The following ICE1 variants were observed in gnomAD, a reference collection of about 807,000 sequenced individuals.
ICE1 encodes little elongation complex subunit 1.
ICE1 carries 64 observed loss-of-function variants against 192.7 expected under a neutral mutation model. The observed-to-expected ratio is 0.33, with a 90% CI of 0.27 to 0.41. The LOEUF is 0.41. Among genes scored for constraint, ICE1 ranks in the 10% least tolerant of loss-of-function variants. ICE1 has a pLI of 1.00. For missense variants in ICE1, 2,708 were observed against 2,696.0 expected (o/e 1.00, Z -0.10); for synonymous variants, 1,010 against 984.5 (o/e 1.03, Z -0.49).
chr5:5,440,559 C>T (rs1738013104), intron 4 of ICE1, among the ~76,000 whole-genome samples: 1 of 152,184 alleles, frequency 6.6e-6, no homozygotes, highest in African/African-American at 2.4e-5. Flanking sequence ...CGCAATGGCT[C>T]ATGCCCATAA....
At chr5:5,468,555 A>G (rs1422586299) in intron 14 of ICE1, among the ~76,000 whole-genome samples, 1 of 152,252 alleles carries the variant, frequency 6.6e-6, no homozygotes. Context: ...ATGTAATGTA[A>G]TACAAAACCT....
At chr5:5,453,429 AG>A (rs1157435926) in intron 10 of ICE1, among the ~76,000 whole-genome samples, 6 of 152,200 alleles carry the variant, frequency 3.9e-5, no homozygotes, top group Non-Finnish European at 8.8e-5. Flanking sequence ...TGCCAGCTTA[AG>A]TAGAGCTAAT....
At chr5:5,457,253 G>A in intron 11 of ICE1, 79 bp from the exon 12 acceptor site, 1 of 1,341,370 alleles carries the variant, frequency 7.5e-7, no homozygotes, top group Non-Finnish European at 1.0e-6. Flanking sequence ...GTTGTAATAA[G>A]GTTTCTTTCT....
chr5:5,440,507 C>CT (rs1487445246), intron 4 of ICE1, among the ~76,000 whole-genome samples: 2 of 152,152 alleles, frequency 1.3e-5, no homozygotes, highest in Non-Finnish European at 2.9e-5. Context: ...TCTCACAGAG[C>CT]TTTTTGGTAG....
At chr5:5,443,492 C>CA (rs1738110665) in intron 6 of ICE1, among the ~76,000 whole-genome samples, 1 of 152,048 alleles carries the variant, frequency 6.6e-6, no homozygotes, top group South Asian at 2.1e-4. Context: ...CAAAGAACTC[C>CA]ATAAAGGTGT....
intron 5 of ICE1, among the ~76,000 whole-genome samples, chr5:5,442,524 G>C (rs1260193787): frequency 6.6e-6 from 1 of 152,210 alleles, no homozygotes; most frequent in African/African-American, 2.4e-5. Context: ...ATTGGAGTTA[G>C]ACCTTAATGA....
chr5:5,464,329 T>C lies in ICE1; in HGVS notation c.4995T>C (p.Pro1665=). 6.2e-7 allele frequency: 1 copy of C among 1,613,708 alleles called. No individual in the cohort carries two copies. Among genetic ancestry groups the C allele is most frequent in the Non-Finnish European group, 8.5e-7 (1 of 1,179,834 alleles). The part of the protein sequence containing the change: ...SSSSPSSPAS[P]VGQVSPFRET... ...CTAGTCCTTCCTCACCAGCCTCTCC[T>C]GTTGGCCAGGTTTCTCCCTTCCGTG... The change falls in exon 13 of 19, where the codon CCT becomes CCC. Residue 1665 remains proline (P), a synonymous_variant. Transcript: ENST00000296564. The surrounding 1 kb of genome is among the most constrained non-coding windows in gnomAD (Gnocchi z 4.0).
chr5:5,444,212 A>G (rs1190056457), intron 6 of ICE1, 77 bp from the exon 7 acceptor site: 2 of 880,848 alleles, frequency 2.3e-6, no homozygotes, highest in Admixed American at 4.6e-5. Flanking sequence ...TTTAAAAAAT[A>G]TGTGCCACAA....
intron 12 of ICE1, among the ~76,000 whole-genome samples, chr5:5,459,941 A>T (rs1738714791): frequency 6.6e-6 from 1 of 152,124 alleles, no homozygotes; most frequent in Non-Finnish European, 1.5e-5. Flanking sequence ...CTGTGAGGAC[A>T]TGTTGGGGAG....
intron 12 of ICE1, among the ~76,000 whole-genome samples, 185 bp downstream of exon 12, chr5:5,457,926 T>C (rs561482127): frequency 6.6e-6 from 1 of 152,240 alleles, no homozygotes; most frequent in South Asian, 2.1e-4. Context: ...ATATATAATA[T>C]GTACTTTTTC....
chr5:5,424,262 T>G (rs1328441996), intron 1 of ICE1, among the ~76,000 whole-genome samples: 2 of 152,120 alleles, frequency 1.3e-5, no homozygotes, highest in East Asian at 3.9e-4. Flanking sequence ...ATTGCAAACA[T>G]TTTAAGTGTT....
chr5:5,483,037 C>T (rs934568417), intron 17 of ICE1, among the ~76,000 whole-genome samples: 2 of 152,112 alleles, frequency 1.3e-5, no homozygotes, highest in African/African-American at 4.8e-5. Flanking sequence ...GTTGCCCAAG[C>T]TGGAGTGCAA....
intron 17 of ICE1, among the ~76,000 whole-genome samples, chr5:5,481,675 G>A (rs73736664): frequency 0.13 from 19,062 of 152,104 alleles, 2,501 homozygotes; most frequent in African/African-American, 0.32. Context: ...TAGTATACAC[G>A]GTCATTCACC....
chr5:5,431,654 G>A (rs1237172725), intron 1 of ICE1, among the ~76,000 whole-genome samples: 1 of 152,120 alleles, frequency 6.6e-6, no homozygotes, highest in Non-Finnish European at 1.5e-5. Context: ...CCGATTCTTT[G>A]TGTATCACTT....
chr5:5,467,168 C>T (rs1295207657), intron 14 of ICE1, among the ~76,000 whole-genome samples: 1 of 152,148 alleles, frequency 6.6e-6, no homozygotes, highest in Non-Finnish European at 1.5e-5. Context: ...GTGAACGAAG[C>T]TGTGAAGTGT....
chr5:5,445,123 G>T (rs16875578), intron 7 of ICE1, among the ~76,000 whole-genome samples: 6,729 of 152,256 alleles, frequency 0.044, 566 homozygotes, highest in East Asian at 0.32. Flanking sequence ...TTCAGAGATG[G>T]TTTATGTTCA....
intron 15 of ICE1, among the ~76,000 whole-genome samples, chr5:5,471,089 C>CA (rs1327806440): frequency 6.6e-6 from 1 of 151,948 alleles, no homozygotes; most frequent in Non-Finnish European, 1.5e-5. Context: ...ACATAGAAGA[C>CA]AAAAATACTA....
chr5:5,441,579 G>C (rs997047903), intron 5 of ICE1, among the ~76,000 whole-genome samples: 1 of 152,172 alleles, frequency 6.6e-6, no homozygotes, highest in African/African-American at 2.4e-5. Context: ...TTTAAATGTA[G>C]AGGAATCGTT....
At chr5:5,486,692 C>G (rs1418608632) in intron 17 of ICE1, 29 bp from the exon 18 acceptor site, 1 of 1,407,608 alleles carries the variant, frequency 7.1e-7, no homozygotes, top group Admixed American at 1.9e-5. Flanking sequence ...TTTAACTGGA[C>G]TGTTTACATT....
Sources: gnomAD v4.1 joint callset for allele counts (sites outside exome capture counted in the v4.1 genomes callset) on GRCh38, gnomAD v4.1.1 for gene constraint, Gnocchi (gnomAD v3.1) non-coding constraint, MANE v1.5 for transcripts, NCBI Gene and HGNC (gene_info 2026-07-23, HGNC 2026-07-21) for gene names.